The following MGAT3 variants were observed in gnomAD, a reference collection of about 807,000 sequenced individuals.
MGAT3 encodes the protein GlcNAc-T III.
MGAT3 carries 9 observed loss-of-function variants against 29.8 expected under a neutral mutation model. The observed-to-expected ratio is 0.30, with a 90% CI of 0.18 to 0.53. The LOEUF is 0.53. Ranked by LOEUF, MGAT3 falls within the 20% of genes least tolerant of loss-of-function variation. The pLI is 0.96. For missense variants in MGAT3, 557 were observed against 769.5 expected, an observed-to-expected ratio of 0.72 and a Z score of 3.27; for synonymous variants, 397 against 348.9, an observed-to-expected ratio of 1.14 and a Z score of -1.54.
intron 1 of MGAT3, among the ~76,000 whole-genome samples, chr22:39,466,775 A>G (rs561008267): frequency 1.3e-5 from 2 of 152,304 alleles, no homozygotes; most frequent in East Asian, 3.9e-4. Context: ...CCCGGCCTCT[A>G]AGTGCTTTTC....
In MGAT3 at chr22:39,457,772, C is replaced by T. The variant is rs924493785; in HGVS notation, c.-2+215C>T. Among the ~76,000 whole-genome samples the T allele has an allele frequency of 6.6e-6, 1 of 150,844 alleles. No homozygotes were observed. The highest frequency in any genetic ancestry group is 2.4e-5 in the African/African-American group (1 of 41,318). ...AGCCGCTCGGCGCGGGCCCCCTCCC[C>T]CTACCCGCCGCTCCTCCGAGCTCCC... On this transcript the variant is annotated intron_variant, in intron 1 of 1. Transcript: ENST00000341184. The surrounding 1 kb of genome is among the most constrained non-coding windows in gnomAD (Gnocchi z 6.8).
At chr22:39,468,294 G>T (rs1328690132) in intron 1 of MGAT3, among the ~76,000 whole-genome samples, 1 of 152,208 alleles carries the variant, frequency 6.6e-6, no homozygotes, top group East Asian at 1.9e-4. Flanking sequence ...CACCTCCCCA[G>T]GTCCCCACGG....
chr22:39,484,198 A>G (rs1929206738), intron 1 of MGAT3, among the ~76,000 whole-genome samples: 2 of 152,162 alleles, frequency 1.3e-5, no homozygotes. Context: ...TCGTGTTGTG[A>G]TTCTGTGCCT....
intron 1 of MGAT3, among the ~76,000 whole-genome samples, chr22:39,468,905 A>G (rs1361760549): frequency 1.3e-5 from 2 of 151,988 alleles, no homozygotes; most frequent in Admixed American, 6.5e-5. Context: ...GAGATTACAC[A>G]GAAACTTCTG....
intron 1 of MGAT3, among the ~76,000 whole-genome samples, chr22:39,480,793 C>T (rs564570665): frequency 1.1e-4 from 16 of 152,366 alleles, no homozygotes; most frequent in African/African-American, 3.8e-4. Flanking sequence ...CCTCCTCCAC[C>T]CCAGTCAAGG....
chr22:39,461,498 C>G (rs894977459), intron 1 of MGAT3, among the ~76,000 whole-genome samples: 5 of 152,292 alleles, frequency 3.3e-5, no homozygotes, highest in Admixed American at 2.0e-4. Context: ...TTGGCCTGGC[C>G]TTGGGGTTCT....
At chr22:39,475,402 G>A (rs1156601439) in intron 1 of MGAT3, among the ~76,000 whole-genome samples, 1 of 151,940 alleles carries the variant, frequency 6.6e-6, no homozygotes, top group African/African-American at 2.4e-5. Context: ...TCTGTGTATC[G>A]GGCCCTGAGG....
At chr22:39,468,357 C>T (rs1284217488) in intron 1 of MGAT3, among the ~76,000 whole-genome samples, 1 of 152,238 alleles carries the variant, frequency 6.6e-6, no homozygotes, top group East Asian at 1.9e-4. Context: ...ACCTGCAGCA[C>T]CAGGGCATGA....
At chr22:39,463,765 A>G (rs1211021522) in intron 1 of MGAT3, among the ~76,000 whole-genome samples, 1 of 151,840 alleles carries the variant, frequency 6.6e-6, no homozygotes, top group Non-Finnish European at 1.5e-5. Context: ...TTAAAAAAAA[A>G]ATTAGGCAGG....
chr22:39,466,756 GTT>G (rs1241346310), intron 1 of MGAT3, among the ~76,000 whole-genome samples: 1 of 152,234 alleles, frequency 6.6e-6, no homozygotes, highest in East Asian at 1.9e-4. Context: ...GGCTGATGTT[GTT>G]ACTGACCCCG....
chr22:39,488,619 G>A lies in MGAT3; in HGVS notation c.1272G>A (p.Thr424=), dbSNP rs374968110. 1 of 1,613,218 alleles carries A rather than the reference G, an allele frequency of 6.2e-7. No individual in the cohort carries two copies. Among genetic ancestry groups the A allele is most frequent in the Non-Finnish European group, 8.5e-7 (1 of 1,180,022 alleles). The stretch of plus-strand genomic sequence containing the variant: ...GCTGGCACTGCTCCTGGTGCTTCAC[G>A]CCCGAGGGCATCTACTTCAAGCTCG... ...FAGWHCSWCF[T]PEGIYFKLVS... Residue 424 remains threonine, a synonymous_variant, in exon 2 of 2, where the codon ACG becomes ACA. Coordinates refer to ENST00000341184, the MANE Select transcript of MGAT3 (RefSeq NM_002409.5).
intron 1 of MGAT3, among the ~76,000 whole-genome samples, chr22:39,481,809 T>C (rs61559101): frequency 0.036 from 5,533 of 152,280 alleles, 373 homozygotes; most frequent in African/African-American, 0.13. Flanking sequence ...ATCATCTCCC[T>C]GGCCTCGGTT....
chr22:39,482,214 C>T (rs1001230838), intron 1 of MGAT3, among the ~76,000 whole-genome samples: 5 of 151,562 alleles, frequency 3.3e-5, no homozygotes, highest in South Asian at 2.1e-4. Context: ...CTTGAACTCC[C>T]GGACTCAAGC....
chr22:39,458,673 T>C (rs1481228301), intron 1 of MGAT3, among the ~76,000 whole-genome samples: 1 of 151,598 alleles, frequency 6.6e-6, no homozygotes, highest in Non-Finnish European at 1.5e-5. Context: ...AAGAGAGAGG[T>C]TACTGGAAGA....
At position 39,457,334 on chromosome 22, in the gene MGAT3, G is replaced by T. The variant is rs1368069691; in HGVS notation, c.-225G>T. The T allele has an allele frequency of 2.8e-5, 4 of 140,982 alleles. No individual in the cohort carries two copies. The highest frequency in any genetic ancestry group is 4.7e-5 in the Non-Finnish European group (3 of 63,586). The allele number at this position is 140,982 out of a possible 1,614,324, so 8.7% of individuals were successfully genotyped here. On this transcript the variant is annotated 5_prime_UTR_variant, in exon 1 of 2. Transcript: ENST00000341184. The surrounding 1 kb of genome is among the most constrained non-coding windows in gnomAD (Gnocchi z 6.8). ...GGGGTGCAGCCGAGCGGCCGCGCCG[G>T]GTCCCCGGGACGGGGTGGAAGTGGG... is the stretch of plus-strand genomic sequence containing the variant.
rs552371513 is a variant in MGAT3, at chr22:39,474,046, C to T, written c.-1-13301C>T. Among the ~76,000 whole-genome samples the T allele has an allele frequency of 1.2e-4, 18 of 152,202 alleles. No individual in the cohort carries two copies. The South Asian group carries it at 2.7e-3, about 23-fold the overall frequency. ...CTTTAAGCTGCAGGAGACCCAGACA[C>T]GGCGCACTGTCCAGGGTGACCCGTT... On this transcript the variant is annotated intron_variant, in intron 1 of 1. Coordinates refer to ENST00000341184, the MANE Select transcript of MGAT3 (RefSeq NM_002409.5).
In MGAT3 at chr22:39,488,942, A is replaced by G. The variant is rs1348279743; in HGVS notation, c.1595A>G (p.Glu532Gly). ...GCCCGGGGCAAACTGGACGAGGCGG[A>G]AGTCTAGAGCTGCATGATCTGATAG... The part of the protein sequence containing the change: ...PPARGKLDEA[E>G]V Residue 532 changes from glutamate (E) to glycine (G), a missense_variant, in exon 2 of 2, where the codon GAA becomes GGA. By Grantham distance (98) the Glu-to-Gly change is moderately conservative (BLOSUM62 -2). This residue lies in a region of MGAT3 where 102 missense variants were observed against 97.0 expected (regional missense o/e 1.05). Coordinates refer to ENST00000341184, the MANE Select transcript of MGAT3 (RefSeq NM_002409.5). 6.2e-7 allele frequency: 1 copy of G among 1,605,064 alleles called. No homozygotes were observed. Among genetic ancestry groups the G allele is most frequent in the Non-Finnish European group, 8.5e-7 (1 of 1,176,484 alleles).
intron 1 of MGAT3, among the ~76,000 whole-genome samples, chr22:39,479,276 C>T (rs1929055543): frequency 6.6e-6 from 1 of 152,184 alleles, no homozygotes; most frequent in African/African-American, 2.4e-5. Context: ...GAGTTTGTGG[C>T]TGCAGTGAAC....
At chr22:39,476,342 C>T (rs1928962361) in intron 1 of MGAT3, 1 of 152,360 alleles carries the variant, frequency 6.6e-6, no homozygotes, top group Admixed American at 6.5e-5. Flanking sequence ...CCTGGGCACC[C>T]TGTCTTTCCT....
Sources: gnomAD v4.1 joint callset for allele counts (sites outside exome capture counted in the v4.1 genomes callset) on GRCh38, gnomAD v4.1.1 for gene constraint, gnomAD v4.1.1 regional missense constraint, Gnocchi (gnomAD v3.1) non-coding constraint, MANE v1.5 for transcripts, NCBI Gene and HGNC (gene_info 2026-07-23, HGNC 2026-07-21) for gene names.